The following BAIAP2 variants were observed in gnomAD, a reference collection of about 807,000 sequenced individuals.
BAIAP2 encodes BAR/IMD domain-containing adapter protein 2.
Under a neutral mutation model 63.0 loss-of-function variants are expected in BAIAP2, and 18 were observed. That is an observed-to-expected ratio of 0.29 (90% CI 0.20 to 0.42). The LOEUF (loss-of-function observed/expected upper bound fraction) is 0.42, where lower values mean the gene tolerates loss of function less well. BAIAP2 is among the 10% of genes least tolerant of loss of function. The pLI, the probability that BAIAP2 is intolerant of heterozygous loss-of-function variation, is 1.00. For missense variants in BAIAP2, 610 were observed against 734.3 expected (o/e 0.83, Z 1.96); for synonymous variants, 386 against 307.6 (o/e 1.25, Z -2.67).
chr17:81,057,999 T>A (rs769693206), intron 3 of BAIAP2, 32 bp downstream of exon 3: 3 of 1,221,034 alleles, frequency 2.5e-6, no homozygotes, highest in East Asian at 6.8e-5. Context: ...CGCCTGGTAG[T>A]CGCCTGATGC....
intron 6 of BAIAP2, among the ~76,000 whole-genome samples, chr17:81,091,868 A>G (rs1431433174): frequency 6.6e-6 from 1 of 152,182 alleles, no homozygotes; most frequent in African/African-American, 2.4e-5. Flanking sequence ...CTGGCCCTGC[A>G]TGTCCCTCAC....
At chr17:81,039,233 C>T (rs34340329) in intron 1 of BAIAP2, among the ~76,000 whole-genome samples, 1,652 of 152,346 alleles carry the variant, frequency 0.011, 15 homozygotes, top group Non-Finnish European at 0.016. Flanking sequence ...GCACAAAGAC[C>T]GGCTGCCGTG....
Position 81,106,109 on chromosome 17 carries a change from G to C in BAIAP2, c.1300G>C (p.Val434Leu). The C allele has an allele frequency of 6.3e-7, 1 of 1,584,258 alleles. No homozygotes were observed. The highest frequency in any genetic ancestry group is 8.6e-7 in the Non-Finnish European group (1 of 1,164,946). Residue 434 changes from valine to leucine, a missense_variant, in exon 11 of 14, where the codon GTC (valine) becomes CTC (leucine). Physicochemically the swap from Val to Leu is conservative, Grantham distance 32. Coordinates refer to ENST00000428708, the MANE Select transcript of BAIAP2 (RefSeq NM_001144888.2). ...CTGGTTTCCCTTCTCCTACACCCGG[G>C]TCTTGGACAGCGATGGCAGTGACAG... ...RGWFPFSYTR[V>L]LDSDGSDRLH...
chr17:81,056,642 C>T (rs1007924127), intron 2 of BAIAP2, among the ~76,000 whole-genome samples: 1 of 152,232 alleles, frequency 6.6e-6, no homozygotes, highest in African/African-American at 2.4e-5. Flanking sequence ...CTTTCCGCTC[C>T]TGTTTGGTTC....
At chr17:81,099,776 T>G (rs1019728460) in intron 6 of BAIAP2, 152 bp from the exon 7 acceptor site, 2 of 840,692 alleles carry the variant, frequency 2.4e-6, no homozygotes, top group African/African-American at 3.5e-5. Context: ...GGGGCGTGGT[T>G]GTCTCCTGAG....
At position 81,116,958 on chromosome 17, in the gene BAIAP2, C is replaced by A. The variant is rs188962270; in HGVS notation, c.*1119C>A. 3.2e-3 allele frequency: 488 copies of A among 152,620 alleles called. 3 individuals are homozygous for A. The highest frequency in any genetic ancestry group is 4.3e-3 in the Non-Finnish European group (295 of 68,244). 9.5% of individuals were successfully genotyped at this position (152,620 alleles called of 1,614,324 possible). A position where few individuals can be genotyped will look rare whatever the true frequency, so the allele number is the denominator to read the frequency against. On this transcript the variant is annotated 3_prime_UTR_variant, in exon 14 of 14. Transcript: ENST00000428708. ...CAGCTGTGCTCAACTCTCCTGCCTC[C>A]GCCTTCCACCCTGGGCCCAGGGACA...
chr17:81,082,453 G>A (rs1451146895), intron 3 of BAIAP2, among the ~76,000 whole-genome samples: 1 of 152,126 alleles, frequency 6.6e-6, no homozygotes, highest in African/African-American at 2.4e-5. Flanking sequence ...CAGCCCTTCC[G>A]TATCTTCCCA....
At chr17:81,078,220 G>A (rs554503446) in intron 3 of BAIAP2, among the ~76,000 whole-genome samples, 4 of 127,260 alleles carry the variant, frequency 3.1e-5, no homozygotes, top group African/African-American at 8.8e-5. Context: ...GTTCCACCTC[G>A]GAGCTGGGTG....
intron 3 of BAIAP2, among the ~76,000 whole-genome samples, chr17:81,075,226 G>A (rs950187130): frequency 2.6e-5 from 4 of 152,174 alleles, no homozygotes; most frequent in African/African-American, 7.2e-5. Flanking sequence ...CCAGGTCTGC[G>A]CCTGTGCTGG....
chr17:81,068,097 T>C (rs1000277391), intron 3 of BAIAP2, among the ~76,000 whole-genome samples: 1 of 152,174 alleles, frequency 6.6e-6, no homozygotes, highest in Non-Finnish European at 1.5e-5. Context: ...CCATGCACTT[T>C]GGGTGGTGCC....
At chr17:81,039,304 G>C (rs6565529) in intron 1 of BAIAP2, among the ~76,000 whole-genome samples, 2 of 152,208 alleles carry the variant, frequency 1.3e-5, no homozygotes. Flanking sequence ...CTGTCCTGCC[G>C]GTTGTTGGCT....
intron 6 of BAIAP2, chr17:81,098,124 C>T (rs1598767681): frequency 7.0e-7 from 1 of 1,428,522 alleles, no homozygotes; most frequent in African/African-American, 1.4e-5. Context: ...AGGCATGCTC[C>T]TCCCAGAGGG....
At chr17:81,106,247 C>T (rs1042709930) in intron 11 of BAIAP2, 101 bp downstream of exon 11, 11 of 1,257,106 alleles carry the variant, frequency 8.8e-6, no homozygotes, top group African/African-American at 4.5e-5. Flanking sequence ...GGGCTTCCGG[C>T]TCCTTGTCTG....
intron 13 of BAIAP2, 102 bp from the exon 14 acceptor site, chr17:81,115,668 G>A: frequency 7.3e-7 from 1 of 1,369,182 alleles, no homozygotes; most frequent in African/African-American, 1.4e-5. Context: ...CGGACCGTAG[G>A]CATCCAGCAC....
chr17:81,062,569 G>A (rs2144522305), intron 3 of BAIAP2, among the ~76,000 whole-genome samples: 1 of 152,252 alleles, frequency 6.6e-6, no homozygotes, highest in South Asian at 2.1e-4. Flanking sequence ...CTCGTGGGCT[G>A]CTCGGCCGTG....
chr17:81,080,133 C>G (rs1327856229), intron 3 of BAIAP2, among the ~76,000 whole-genome samples: 1 of 152,242 alleles, frequency 6.6e-6, no homozygotes, highest in Non-Finnish European at 1.5e-5. Context: ...ATCTTAGGGT[C>G]TTGGCATTCC....
At chr17:81,113,111 C>G (rs1291141449) in intron 13 of BAIAP2, among the ~76,000 whole-genome samples, 2 of 152,192 alleles carry the variant, frequency 1.3e-5, no homozygotes, top group Non-Finnish European at 2.9e-5. Flanking sequence ...TGCGGCCTTG[C>G]TTAGGGGCCT....
At chr17:81,095,929 G>A (rs2057542219) in intron 6 of BAIAP2, among the ~76,000 whole-genome samples, 1 of 152,124 alleles carries the variant, frequency 6.6e-6, no homozygotes, top group Admixed American at 6.5e-5. Context: ...TCTCCCCTGG[G>A]GAACTGAGCA....
intron 6 of BAIAP2, among the ~76,000 whole-genome samples, chr17:81,089,528 T>A (rs1287376246): frequency 6.6e-6 from 1 of 152,172 alleles, no homozygotes; most frequent in Non-Finnish European, 1.5e-5. Context: ...GAGTGCCCTT[T>A]CGTGGTAAGC....
Sources: allele counts gnomAD v4.1 joint callset (sites outside exome capture counted in the v4.1 genomes callset), GRCh38; gene constraint gnomAD v4.1.1; transcripts MANE v1.5; gene names NCBI Gene and HGNC (gene_info 2026-07-23, HGNC 2026-07-21).